Variants in SOX6 observed in about 807,000 individuals in gnomAD.
The protein encoded by SOX6 is SRY-box transcription factor 6.
SOX6 carries 11 observed loss-of-function variants against 97.8 expected under a neutral mutation model. The ratio of observed to expected loss-of-function variants is 0.11; its 90% CI spans 0.07 to 0.19. The LOEUF is 0.19. Ranked by LOEUF, SOX6 falls within the 10% of genes least tolerant of loss-of-function variation. SOX6 has a pLI of 1.00. For synonymous variants in SOX6, 360 were observed against 371.4 expected (o/e 0.97, Z 0.35); for missense variants, 810 against 1,039.5 (o/e 0.78, Z 3.04).
intron 3 of SOX6, among the ~76,000 whole-genome samples, chr11:16,239,143 G>C (rs1409786516): frequency 6.6e-6 from 1 of 151,912 alleles, no homozygotes; most frequent in African/African-American, 2.4e-5. Flanking sequence ...CAATACAGTG[G>C]GATAAAATTG....
chr11:16,440,698 G>T (rs913798983), intron 1 of SOX6, among the ~76,000 whole-genome samples: 2 of 152,066 alleles, frequency 1.3e-5, no homozygotes, highest in Admixed American at 1.3e-4. Flanking sequence ...GTTTAACAAA[G>T]ATAAACTTAT....
intron 6 of SOX6, among the ~76,000 whole-genome samples, chr11:16,174,695 G>C (rs1818174492): frequency 1.3e-5 from 2 of 151,846 alleles, no homozygotes; most frequent in African/African-American, 4.8e-5. Context: ...GCAAATGCTT[G>C]ACTTACAGGA....
At chr11:16,554,022 T>A (rs1847720907) in intron 4 of SOX6, among the ~76,000 whole-genome samples, 1 of 152,094 alleles carries the variant, frequency 6.6e-6, no homozygotes, top group African/African-American at 2.4e-5. Flanking sequence ...GAGGGGGTAC[T>A]CAGTCCATTC....
At chr11:16,343,910 C>A (rs1344404787) in intron 1 of SOX6, among the ~76,000 whole-genome samples, 3 of 151,712 alleles carry the variant, frequency 2.0e-5, no homozygotes, top group Non-Finnish European at 4.4e-5. Context: ...ACACAAGCTG[C>A]CAAAAAAAGC....
intron 3 of SOX6, 28 bp downstream of exon 3, chr11:16,318,418 A>G: frequency 1.2e-6 from 2 of 1,608,648 alleles, no homozygotes; most frequent in Non-Finnish European, 1.7e-6. Flanking sequence ...GAAAAAAAAC[A>G]GAGCCCAACA....
intron 11 of SOX6, among the ~76,000 whole-genome samples, chr11:16,047,167 T>TA (rs780446906): frequency 2.0e-5 from 3 of 151,806 alleles, no homozygotes; most frequent in Non-Finnish European, 2.9e-5. Flanking sequence ...GCAGAAAAAA[T>TA]AAAAAAATCT....
At chr11:16,441,668 T>G (rs1018503652) in intron 1 of SOX6, among the ~76,000 whole-genome samples, 2 of 152,208 alleles carry the variant, frequency 1.3e-5, no homozygotes. Flanking sequence ...CAGTGATGTT[T>G]AGAAAACTAT....
chr11:16,082,292 G>A (rs1848489557), intron 9 of SOX6, among the ~76,000 whole-genome samples: 1 of 152,170 alleles, frequency 6.6e-6, no homozygotes, highest in Admixed American at 6.6e-5. Context: ...CAGATGTTAA[G>A]AGGATCTGTT....
At chr11:16,281,015 A>G (rs998924592) in intron 3 of SOX6, among the ~76,000 whole-genome samples, 3 of 152,106 alleles carry the variant, frequency 2.0e-5, no homozygotes, top group African/African-American at 7.2e-5. Context: ...TCATCCCTAC[A>G]GTCTGAAAGA....
chr11:16,099,030 T>A (rs550129036), intron 7 of SOX6, among the ~76,000 whole-genome samples: 1 of 151,906 alleles, frequency 6.6e-6, no homozygotes, highest in East Asian at 1.9e-4. Flanking sequence ...TCTCTTTGCA[T>A]CATATCCATA....
Position 16,020,303 on chromosome 11 carries a change from T to C in SOX6, c.1624-5253A>G, listed in dbSNP as rs887782650. Among the ~76,000 whole-genome samples the C allele has an allele frequency of 2.6e-5, 4 of 152,100 alleles. No homozygotes were observed. The East Asian group carries it at 7.7e-4, about 29-fold the overall frequency. ...CTAACTACCCCAGCACATGTCTTCA[T>C]GCCCACACACCTATCTCACTGCTGC... On this transcript the variant is annotated intron_variant, in intron 12 of 15. Transcript: ENST00000683767.
At chr11:16,640,878 T>C (rs943598862) in intron 3 of SOX6, among the ~76,000 whole-genome samples, 5 of 152,278 alleles carry the variant, frequency 3.3e-5, no homozygotes, top group African/African-American at 9.6e-5. Flanking sequence ...GATTCATTGA[T>C]TTTTTAAGGG....
intron 3 of SOX6, among the ~76,000 whole-genome samples, chr11:16,293,703 C>G (rs1155685): frequency 2.0e-5 from 3 of 151,948 alleles, no homozygotes; most frequent in Non-Finnish European, 2.9e-5. Flanking sequence ...TTTTACAGGT[C>G]TAAGCACAGT....
chr11:16,347,006 A>G (rs1398268155), intron 1 of SOX6, among the ~76,000 whole-genome samples: 1 of 152,120 alleles, frequency 6.6e-6, no homozygotes, highest in African/African-American at 2.4e-5. Context: ...TTTAGCTGAC[A>G]ATATTGCTGT....
At chr11:16,027,035 C>A (rs1157022181) in intron 12 of SOX6, among the ~76,000 whole-genome samples, 1 of 152,142 alleles carries the variant, frequency 6.6e-6, no homozygotes, top group East Asian at 1.9e-4. Context: ...ATTACCATTA[C>A]TTCCAACAGA....
intron 4 of SOX6, among the ~76,000 whole-genome samples, chr11:16,233,268 T>C (rs998018657): frequency 7.2e-5 from 11 of 152,096 alleles, no homozygotes; most frequent in South Asian, 2.1e-4. Flanking sequence ...TCCGTAAGGA[T>C]TGACAAAGTT....
chr11:16,555,462 G>A (rs114449642), intron 4 of SOX6, among the ~76,000 whole-genome samples: 14 of 151,396 alleles, frequency 9.2e-5, no homozygotes, highest in African/African-American at 2.7e-4. Context: ...TATAATAATT[G>A]TGTATATTTT....
chr11:16,532,938 T>G (rs144862533), intron 4 of SOX6, among the ~76,000 whole-genome samples: 649 of 151,974 alleles, frequency 4.3e-3, no homozygotes, highest in Non-Finnish European at 6.5e-3. Flanking sequence ...TATATTTTGG[T>G]GTGTGTTGCA....
chr11:16,417,568 C>A (rs1049088209), intron 1 of SOX6, among the ~76,000 whole-genome samples: 1 of 151,994 alleles, frequency 6.6e-6, no homozygotes, highest in African/African-American at 2.4e-5. Context: ...CAGAATGCGG[C>A]AGTGGGAAGT....
Sources: gnomAD v4.1 joint callset for allele counts (sites outside exome capture counted in the v4.1 genomes callset) on GRCh38, gnomAD v4.1.1 for gene constraint, MANE v1.5 for transcripts, NCBI Gene and HGNC (gene_info 2026-07-23, HGNC 2026-07-21) for gene names.